The following RBM17 variants were observed in gnomAD, a reference collection of about 807,000 sequenced individuals.
The protein encoded by RBM17 is splicing factor 45.
RBM17 carries 7 observed loss-of-function variants against 53.2 expected under a neutral mutation model. The observed-to-expected ratio is 0.13, with a 90% CI of 0.07 to 0.25. RBM17 has a LOEUF of 0.25. RBM17 is among the 10% of genes least tolerant of loss of function. The pLI is 1.00. For synonymous variants in RBM17, 167 were observed against 178.1 expected, an observed-to-expected ratio of 0.94 and a Z score of 0.50; for missense variants, 257 against 496.7, an observed-to-expected ratio of 0.52 and a Z score of 4.59.
intron 5 of RBM17, among the ~76,000 whole-genome samples, chr10:6,106,640 C>T (rs1475970789): frequency 6.6e-6 from 1 of 152,166 alleles, no homozygotes; most frequent in Non-Finnish European, 1.5e-5. Context: ...CTTAGTTAAT[C>T]CCCAAATGTT....
rs1840905708 is a variant in RBM17 at position 6,115,789 on chromosome 10, A to G, written c.*233A>G. The G allele has an allele frequency of 3.0e-6, 1 of 329,630 alleles. No homozygotes were observed. Among genetic ancestry groups the G allele is most frequent in the Non-Finnish European group, 5.4e-6 (1 of 186,454 alleles). 20.4% of individuals were successfully genotyped at this position (329,630 alleles called of 1,614,324 possible). On this transcript the variant is annotated 3_prime_UTR_variant, in exon 12 of 12. Transcript: ENST00000379888. Reference sequence around the variant, plus strand: ...GCCTCTCTGGTTGTTTCTCTTTTTTATTATTACTCCTGAGTTGATGACATT... The same window carrying G: ...GCCTCTCTGGTTGTTTCTCTTTTTTGTTATTACTCCTGAGTTGATGACATT...
chr10:6,095,544 C>T (rs949414732), intron 1 of RBM17, among the ~76,000 whole-genome samples: 3 of 152,170 alleles, frequency 2.0e-5, no homozygotes, highest in Non-Finnish European at 4.4e-5. Flanking sequence ...TTCATTTGAG[C>T]AGTCGGCCAT....
At position 6,114,262 on chromosome 10, in the gene RBM17, A is replaced by G. The variant is rs149811786; in HGVS notation, c.1029+115A>G. ...AGTAACATTCTTACTGCAGAAGGTG[A>G]CAGGCGTTGGTTATTTGTACTTCTC... On this transcript the variant is annotated intron_variant, in intron 10 of 11. Coordinates refer to ENST00000379888, the MANE Select transcript of RBM17 (RefSeq NM_032905.5). 844 of 610,276 alleles carry G rather than the reference A, an allele frequency of 1.4e-3. 11 individuals are homozygous for G. The East Asian group carries it at 0.023, about 16-fold the overall frequency. 37.8% of individuals were successfully genotyped at this position (610,276 alleles called of 1,614,324 possible). A position where few individuals can be genotyped will look rare whatever the true frequency, so the allele number is the denominator to read the frequency against.
chr10:6,109,614 G>C (rs1199423506), intron 6 of RBM17, among the ~76,000 whole-genome samples: 1 of 152,138 alleles, frequency 6.6e-6, no homozygotes, highest in Admixed American at 6.5e-5. Context: ...GTCTAGACAG[G>C]TGCACCCAAG....
At position 6,112,351 on chromosome 10, in the gene RBM17, C is replaced by T; in HGVS notation, c.846C>T (p.Ala282=). The T allele has an allele frequency of 1.9e-6, 3 of 1,613,912 alleles. No homozygotes were observed. Among genetic ancestry groups the T allele is most frequent in the Non-Finnish European group, 2.5e-6 (3 of 1,180,002 alleles). The change falls in exon 8 of 12, where the codon GCC becomes GCT. Residue 282 remains alanine (A), a synonymous_variant. Transcript: ENST00000379888. This position sits in a 1 kb window ranked among gnomAD's most constrained non-coding sequence, Gnocchi z 4.4. Reference sequence around the variant, plus strand: ...GCGGCAAGATCATCGTGGGCGACGCCACAGAGAAAGGTGTGTCCCCAGGGA... The same window carrying T: ...GCGGCAAGATCATCGTGGGCGACGCTACAGAGAAAGGTGTGTCCCCAGGGA... The part of the protein sequence containing the change: ...KRGGKIIVGD[A]TEKDASKKSD...
chr10:6,115,316 G>C lies in RBM17; in HGVS notation c.1102+5G>C. 1.9e-6 allele frequency: 3 copies of C among 1,605,832 alleles called. No individual in the cohort carries two copies. The highest frequency in any genetic ancestry group is 2.6e-6 in the Non-Finnish European group (3 of 1,172,764). On this transcript the variant is annotated splice_donor_5th_base_variant and intron_variant, in intron 11 of 11. Transcript: ENST00000379888. ...GAGTTGAATCAGCAATTAAAGGTTAGTGGTACAGCTAAATATTAAAGAATA... is the reference window on the plus strand; with the variant it reads ...GAGTTGAATCAGCAATTAAAGGTTACTGGTACAGCTAAATATTAAAGAATA...
chr10:6,100,385 C>T (rs570744765), intron 2 of RBM17, among the ~76,000 whole-genome samples: 17 of 152,330 alleles, frequency 1.1e-4, no homozygotes, highest in African/African-American at 4.1e-4. Context: ...CACACTGCCT[C>T]ACCTGGGAAG....
rs149022692 is a variant in RBM17, at chr10:6,110,040, A to G, written c.617A>G (p.Lys206Arg). 16 of 1,613,316 alleles carry G rather than the reference A, an allele frequency of 9.9e-6. No individual in the cohort carries two copies. In the African/African-American group the frequency reaches 1.2e-4, roughly 12 times the overall value. Reference protein sequence around the residue: ...EDSRPRSQSSKAAIPPPVYEE... With the variant: ...EDSRPRSQSSRAAIPPPVYEE... ...TCAAGACCTCGATCACAGTCTTCCAAAGCAGCCATTCCTCCCCCAGTGTAC... is the reference window on the plus strand; with the variant it reads ...TCAAGACCTCGATCACAGTCTTCCAGAGCAGCCATTCCTCCCCCAGTGTAC... The change falls in exon 7 of 12, where the codon AAA becomes AGA. Residue 206 changes from lysine to arginine, a missense_variant. Around this residue, in one of 6 missense-constraint regions of RBM17, gnomAD observed 68 missense variants for 60.0 expected, o/e 1.13. Transcript: ENST00000379888.
intron 5 of RBM17, 64 bp downstream of exon 5, chr10:6,106,302 C>T: frequency 1.8e-6 from 2 of 1,086,932 alleles, no homozygotes; most frequent in South Asian, 2.8e-5. Context: ...CCACTATGTG[C>T]TTTTTCTTTT....
rs961511887 is a variant in RBM17, at chr10:6,113,350, T to A, written c.857-158T>A. The A allele has an allele frequency of 7.2e-6, 4 of 552,998 alleles. No individual in the cohort carries two copies. In the African/African-American group the frequency reaches 7.6e-5, roughly 10 times the overall value. 34.3% of individuals were successfully genotyped at this position (552,998 alleles called of 1,614,324 possible). ...GCTTTTATTGCAGATAAGGCTGTGT[T>A]TTCGCTCAGAGACCAATTGTGTAGA... On this transcript the variant is annotated intron_variant, in intron 8 of 11. Transcript: ENST00000379888.
intron 1 of RBM17, among the ~76,000 whole-genome samples, chr10:6,090,641 A>G (rs976657193): frequency 1.3e-5 from 2 of 151,952 alleles, no homozygotes; most frequent in Non-Finnish European, 2.9e-5. Flanking sequence ...AATTTTTCAG[A>G]CCTCCTCCCA....
chr10:6,106,231 GA>G lies in RBM17; in HGVS notation c.502del (p.Arg168GlufsTer15). On this transcript the variant is annotated frameshift_variant, in exon 5 of 12. Transcript: ENST00000379888. LOFTEE classifies it high-confidence loss of function. ...ATGAAGATTATGAGCGAGAGAGGAGGAAAAGAAGTAAGGCATGAACAAATAT... is the reference window on the plus strand; with the variant it reads ...ATGAAGATTATGAGCGAGAGAGGAGGAAAGAAGTAAGGCATGAACAAATAT... ...EDEDYERERR[K>X]RSMGGAAIAP... 6.2e-7 allele frequency: 1 copy of G among 1,607,586 alleles called. No individual in the cohort carries two copies. The highest frequency in any genetic ancestry group is 8.5e-7 in the Non-Finnish European group (1 of 1,174,314).
rs1000499392 is a variant in RBM17, at chr10:6,117,206, A to G, written c.*1650A>G. 2.0e-5 allele frequency: 3 copies of G among 152,062 alleles called. No individual in the cohort carries two copies. Among genetic ancestry groups the G allele is most frequent in the African/African-American group, 7.3e-5 (3 of 41,216 alleles). 9.4% of individuals were successfully genotyped at this position (152,062 alleles called of 1,614,324 possible). A position where few individuals can be genotyped will look rare whatever the true frequency, so the allele number is the denominator to read the frequency against. Reference sequence around the variant, plus strand: ...CAGAGAGTTGCAACCAACTCATACTACTTGATTTCCGTTCGCATGAGGACA... The same window carrying G: ...CAGAGAGTTGCAACCAACTCATACTGCTTGATTTCCGTTCGCATGAGGACA... On this transcript the variant is annotated 3_prime_UTR_variant, in exon 12 of 12. Coordinates refer to ENST00000379888, the MANE Select transcript of RBM17 (RefSeq NM_032905.5).
chr10:6,112,306 G>A lies in RBM17; in HGVS notation c.801G>A (p.Val267=), dbSNP rs1840851070. 2 of 1,614,016 alleles carry A rather than the reference G, an allele frequency of 1.2e-6. No individual in the cohort carries two copies. The change falls in exon 8 of 12, where the codon GTG becomes GTA. Residue 267 remains valine (V), a synonymous_variant. Transcript: ENST00000379888. The surrounding 1 kb of genome is among the most constrained non-coding windows in gnomAD (Gnocchi z 4.4). ...HEQGLSTALS[V]EKTSKRGGKI... ...AGGGCCTGAGCACTGCCTTGTCAGT[G>A]GAGAAGACCAGCAAGCGTGGCGGCA...
At chr10:6,091,947 C>G (rs1018730184) in intron 1 of RBM17, among the ~76,000 whole-genome samples, 2 of 152,140 alleles carry the variant, frequency 1.3e-5, no homozygotes, top group African/African-American at 2.4e-5. Flanking sequence ...GAAGACTCTT[C>G]CATGTTCTTT....
At chr10:6,093,889 T>G (rs1840527672) in intron 1 of RBM17, among the ~76,000 whole-genome samples, 1 of 152,266 alleles carries the variant, frequency 6.6e-6, no homozygotes, top group Non-Finnish European at 1.5e-5. Flanking sequence ...ATATATGTCA[T>G]ACTTTTAATA....
intron 8 of RBM17, 50 bp from the exon 9 acceptor site, chr10:6,113,458 T>G: frequency 8.1e-7 from 1 of 1,239,074 alleles, no homozygotes; most frequent in Non-Finnish European, 1.2e-6. Context: ...ACACATCTAA[T>G]GATATGCTGC....
At chr10:6,093,508 C>T (rs1466610090) in intron 1 of RBM17, among the ~76,000 whole-genome samples, 10 of 152,170 alleles carry the variant, frequency 6.6e-5, no homozygotes, top group African/African-American at 1.7e-4. Flanking sequence ...CATGAGCCAC[C>T]GCAGCCGGCC....
rs1840847578 is a variant in RBM17, at chr10:6,112,144, A to G, written c.705-66A>G. ...TCCAGAAGGAGGTTGTTGTGATGGA[A>G]AAATGCAACCTATCTCCAGTTGACG... is the stretch of plus-strand genomic sequence containing the variant. On this transcript the variant is annotated intron_variant, in intron 7 of 11. Transcript: ENST00000379888. The surrounding 1 kb of genome is among the most constrained non-coding windows in gnomAD (Gnocchi z 4.4). The G allele has an allele frequency of 5.8e-6, 9 of 1,556,826 alleles. No individual in the cohort carries two copies. In the Admixed American group the frequency reaches 1.6e-4, roughly 27 times the overall value.
Sources: allele counts gnomAD v4.1 joint callset (sites outside exome capture counted in the v4.1 genomes callset), GRCh38; gene constraint gnomAD v4.1.1; regional missense constraint gnomAD v4.1.1; non-coding constraint Gnocchi (gnomAD v3.1); transcripts MANE v1.5; gene names NCBI Gene and HGNC (gene_info 2026-07-23, HGNC 2026-07-21).